Variants in SUPT5H observed in about 807,000 individuals in gnomAD.
SUPT5H encodes the protein SPT5 homolog, DSIF elongation factor subunit, also known as transcription elongation factor SPT5.
In SUPT5H, 24 loss-of-function variants were observed where a neutral mutation model predicts 142.5. The ratio of observed to expected loss-of-function variants is 0.17; its 90% confidence interval spans 0.12 to 0.24. SUPT5H has a LOEUF of 0.24. SUPT5H is among the 10% of genes least tolerant of loss of function. The pLI, the probability that SUPT5H is intolerant of heterozygous loss-of-function variation, is 1.00. For synonymous variants in SUPT5H, 546 were observed against 553.0 expected (o/e 0.99, Z 0.18); for missense variants, 893 against 1,471.8 (o/e 0.61, Z 6.43).
intron 2 of SUPT5H, among the ~76,000 whole-genome samples, chr19:39,452,067 C>T (rs1003007468): frequency 3.3e-5 from 5 of 151,942 alleles, no homozygotes; most frequent in Admixed American, 2.6e-4. Flanking sequence ...ATATATGGGG[C>T]TGGGGGAAAA....
rs1342026938 is a variant in SUPT5H, at chr19:39,445,929, G to C, written c.39G>C (p.Glu13Asp). The change falls in exon 2 of 30, where the codon GAG (glutamate) becomes GAC (aspartate). Residue 13 changes from glutamate to aspartate, a missense_variant. Coordinates refer to ENST00000432763, the MANE Select transcript of SUPT5H (RefSeq NM_001111020.3). The part of the protein sequence containing the change: ...DSEDSNFSEE[E>D]DSERSSDGEE... Reference sequence around the variant, plus strand: ...AGGACAGCAACTTTTCCGAGGAGGAGGACAGCGAGCGCAGCAGTGACGGCG... The same window carrying C: ...AGGACAGCAACTTTTCCGAGGAGGACGACAGCGAGCGCAGCAGTGACGGCG... The C allele has an allele frequency of 1.9e-6, 3 of 1,613,558 alleles. No individual in the cohort carries two copies.
chr19:39,448,860 C>G (rs1000578802), intron 2 of SUPT5H, among the ~76,000 whole-genome samples: 2 of 151,818 alleles, frequency 1.3e-5, no homozygotes, highest in African/African-American at 4.8e-5. Context: ...CTTTGGGAGG[C>G]TGAGGTGGGT....
At position 39,469,020 on chromosome 19, in the gene SUPT5H, G is replaced by A; in HGVS notation, c.1144-59G>A. The A allele has an allele frequency of 1.2e-6, 2 of 1,602,380 alleles. No individual in the cohort carries two copies. The highest frequency in any genetic ancestry group is 2.2e-5 in the South Asian group (2 of 90,580). ...TAGGACCCACTCAGCCCACTCAGCT[G>A]GGCTGTTGCACTGACCTCGGTCCAT... On this transcript the variant is annotated intron_variant, in intron 14 of 29. Transcript: ENST00000432763. The surrounding 1 kb of genome is among the most constrained non-coding windows in gnomAD (Gnocchi z 5.1).
rs759065272 is a variant in SUPT5H, at chr19:39,474,165, C to T, written c.2651+44C>T. The T allele has an allele frequency of 6.8e-6, 11 of 1,610,346 alleles. No homozygotes were observed. The highest frequency in any genetic ancestry group is 9.3e-6 in the Non-Finnish European group (11 of 1,178,034). On this transcript the variant is annotated intron_variant, in intron 26 of 29. Transcript: ENST00000432763. The surrounding 1 kb of genome is among the most constrained non-coding windows in gnomAD (Gnocchi z 6.5). ...GCCCTCGTCTACCCCTGCCCAAACC[C>T]TCCTACTGCCACCACCTCTTTTCCC...
At chr19:39,454,670 T>G (rs978863523) in intron 3 of SUPT5H, among the ~76,000 whole-genome samples, 2 of 152,170 alleles carry the variant, frequency 1.3e-5, no homozygotes, top group African/African-American at 4.8e-5. Context: ...TTTTTTATAT[T>G]TACGGCCAAA....
At chr19:39,448,471 G>C (rs2078980121) in intron 2 of SUPT5H, among the ~76,000 whole-genome samples, 1 of 152,082 alleles carries the variant, frequency 6.6e-6, no homozygotes, top group Admixed American at 6.6e-5. Flanking sequence ...GTGGAAATGA[G>C]ACCAAGATCC....
Position 39,458,517 on chromosome 19 carries a change from C to T in SUPT5H, c.319+212C>T. ...AAAGCACGGATGTGTCTGTCTGGGA[C>T]TGAGCATTTGTGGGTGGTAGCGATG... On this transcript the variant is annotated intron_variant, in intron 5 of 29. Transcript: ENST00000432763. The surrounding 1 kb of genome is among the most constrained non-coding windows in gnomAD (Gnocchi z 4.2). 1 of 968,322 alleles carries T rather than the reference C, an allele frequency of 1.0e-6. No individual in the cohort carries two copies. The highest frequency in any genetic ancestry group is 1.5e-6 in the Non-Finnish European group (1 of 649,424). 60.0% of individuals were successfully genotyped at this position (968,322 alleles called of 1,614,324 possible). A position where few individuals can be genotyped will look rare whatever the true frequency, so the allele number is the denominator to read the frequency against.
rs758984794 is a variant in SUPT5H, at chr19:39,472,496, G to C, written c.2035+3G>C. The C allele has an allele frequency of 2.5e-6, 4 of 1,613,778 alleles. No homozygotes were observed. Among genetic ancestry groups the C allele is most frequent in the Non-Finnish European group, 3.4e-6 (4 of 1,179,920 alleles). ...CCCCATGCACCCCAGTGCTGGAGGT[G>C]AGAGGGGTTCAGGGTCAGGGGATGT... On this transcript the variant is annotated splice_donor_region_variant and intron_variant, in intron 21 of 29. Coordinates refer to ENST00000432763, the MANE Select transcript of SUPT5H (RefSeq NM_001111020.3). The surrounding 1 kb of genome is among the most constrained non-coding windows in gnomAD (Gnocchi z 4.2).
At position 39,466,721 on chromosome 19, in the gene SUPT5H, G is replaced by A. The variant is rs770378423; in HGVS notation, c.1013G>A (p.Arg338Lys). The A allele has an allele frequency of 3.7e-6, 6 of 1,614,240 alleles. No homozygotes were observed. In the East Asian group the frequency reaches 1.3e-4, roughly 36 times the overall value. The stretch of plus-strand genomic sequence containing the variant: ...AAGAAGTTTAAGCGGCCTCCACAGA[G>A]GCTGTTTGATGCTGAGAAGATCAGG... ...KRKKFKRPPQ[R>K]LFDAEKIRSL... Residue 338 changes from arginine (R) to lysine (K), a missense_variant, in exon 13 of 30, where the codon AGG (arginine) becomes AAG (lysine). Physicochemically the swap from Arg to Lys is conservative, Grantham distance 26. This residue lies in a region of SUPT5H where 428 missense variants were observed against 763.5 expected (regional missense o/e 0.56). Transcript: ENST00000432763. This position sits in a 1 kb window ranked among gnomAD's most constrained non-coding sequence, Gnocchi z 4.3.
chr19:39,464,799 C>G lies in SUPT5H; in HGVS notation c.626C>G (p.Pro209Arg). 6.2e-7 allele frequency: 1 copy of G among 1,600,148 alleles called. No individual in the cohort carries two copies. The highest frequency in any genetic ancestry group is 8.6e-7 in the Non-Finnish European group (1 of 1,169,140). The stretch of plus-strand genomic sequence containing the variant: ...TCCTTCCACCGGCTCACCCTGCAGC[C>G]CCTGCAGATCAAGTCAGTAGTGGCA... ...KFIAYQFTDT[P>R]LQIKSVVAPE... The change falls in exon 11 of 30, where the codon CCC becomes CGC. Residue 209 changes from proline to arginine, a missense_variant and splice_region_variant. By Grantham distance (103) the Pro-to-Arg change is moderately radical. Around this residue, in one of 6 missense-constraint regions of SUPT5H, gnomAD observed 428 missense variants for 763.5 expected, o/e 0.56. Transcript: ENST00000432763.
rs1392933819 is a variant in SUPT5H, at chr19:39,453,475, A to AC, written c.201dup (p.Lys68GlnfsTer14). ...AAGAGGAGGAAGAAGATGATGACCG[A>AC]CCCCCCAAGAAACCCCGCCATGGAG... On this transcript the variant is annotated frameshift_variant, in exon 3 of 30. Coordinates refer to ENST00000432763, the MANE Select transcript of SUPT5H (RefSeq NM_001111020.3). LOFTEE classifies it high-confidence loss of function. 4 of 1,546,240 alleles carry AC rather than the reference A, an allele frequency of 2.6e-6. No individual in the cohort carries two copies. The highest frequency in any genetic ancestry group is 2.0e-5 in the Admixed American group (1 of 50,644).
chr19:39,467,116 C>G (rs1197542926), intron 13 of SUPT5H: 1 of 164,294 alleles, frequency 6.1e-6, no homozygotes, highest in Non-Finnish European at 1.3e-5. Context: ...GGCGTGATGG[C>G]TCACACCTAT....
At chr19:39,456,262 CT>C (rs1391964418) in intron 3 of SUPT5H, among the ~76,000 whole-genome samples, 1 of 149,930 alleles carries the variant, frequency 6.7e-6, no homozygotes, top group African/African-American at 2.5e-5. Flanking sequence ...CAGGATCTCA[CT>C]CCGTTTCCTA....
intron 2 of SUPT5H, among the ~76,000 whole-genome samples, chr19:39,451,210 A>T (rs976012290): frequency 8.4e-6 from 1 of 118,514 alleles, no homozygotes; most frequent in Non-Finnish European, 1.6e-5. Context: ...TTTTTTTGAG[A>T]CAGAGTCTTG....
In SUPT5H at chr19:39,470,113, C is replaced by T; in HGVS notation, c.1375-6C>T. 6.2e-7 allele frequency: 1 copy of T among 1,612,468 alleles called. No homozygotes were observed. Among genetic ancestry groups the T allele is most frequent in the Non-Finnish European group, 8.5e-7 (1 of 1,179,102 alleles). On this transcript the variant is annotated splice_region_variant and splice_polypyrimidine_tract_variant and intron_variant, in intron 16 of 29. Coordinates refer to ENST00000432763, the MANE Select transcript of SUPT5H (RefSeq NM_001111020.3). The surrounding 1 kb of genome is among the most constrained non-coding windows in gnomAD (Gnocchi z 5.8). ...CTGTTTGTTGTCCCCACACCCAATC[C>T]CCCAGGACATGTTGGAGTTCCCAGC...
rs570167943 is a variant in SUPT5H, at chr19:39,449,991, G to A, written c.76-3365G>A. Among the ~76,000 whole-genome samples, 127 of 149,354 alleles carry A rather than the reference G, an allele frequency of 8.5e-4. 2 individuals carry two copies. The South Asian group carries it at 0.025, about 30-fold the overall frequency. On this transcript the variant is annotated intron_variant, in intron 2 of 29. Coordinates refer to ENST00000432763, the MANE Select transcript of SUPT5H (RefSeq NM_001111020.3). Reference sequence around the variant, plus strand: ...CTCACTTTGTCACCCATGCTGGGGTGCAGTGGTGTGATCTCGACTCACTGC... The same window carrying A: ...CTCACTTTGTCACCCATGCTGGGGTACAGTGGTGTGATCTCGACTCACTGC...
At position 39,458,548 on chromosome 19, in the gene SUPT5H, G is replaced by C; in HGVS notation, c.319+243G>C. On this transcript the variant is annotated intron_variant, in intron 5 of 29. Coordinates refer to ENST00000432763, the MANE Select transcript of SUPT5H (RefSeq NM_001111020.3). The surrounding 1 kb of genome is among the most constrained non-coding windows in gnomAD (Gnocchi z 4.2). Reference sequence around the variant, plus strand: ...ATTTGTGGGTGGTAGCGATGTGTGGGGTGGGGTGCAGTCCAGGGTGTGCCT... The same window carrying C: ...ATTTGTGGGTGGTAGCGATGTGTGGCGTGGGGTGCAGTCCAGGGTGTGCCT... 1 of 807,970 alleles carries C rather than the reference G, an allele frequency of 1.2e-6. No individual in the cohort carries two copies. The highest frequency in any genetic ancestry group is 1.9e-6 in the Non-Finnish European group (1 of 513,228). The allele number at this position is 807,970 out of a possible 1,614,324, so 50.1% of individuals were successfully genotyped here. A position where few individuals can be genotyped will look rare whatever the true frequency, so the allele number is the denominator to read the frequency against.
rs370183625 is a variant in SUPT5H at position 39,471,700 on chromosome 19, C to T, written c.1920C>T (p.Thr640=). The stretch of plus-strand genomic sequence containing the variant: ...ACGGGGGCATGTTTGTCTGCAAGAC[C>T]CGCCACCTGGTGCTGGCTGGGGGCT... ...VENGGMFVCK[T]RHLVLAGGSK... is the part of the protein sequence containing the mutation. Residue 640 remains threonine (T), a synonymous_variant, in exon 20 of 30, where the codon ACC becomes ACT. Coordinates refer to ENST00000432763, the MANE Select transcript of SUPT5H (RefSeq NM_001111020.3). 350 of 1,614,032 alleles carry T rather than the reference C, an allele frequency of 2.2e-4. 2 individuals carry two copies. The highest frequency in any genetic ancestry group is 1.3e-3 in the South Asian group (118 of 91,074).
intron 9 of SUPT5H, 112 bp from the exon 10 acceptor site, chr19:39,459,780 C>A: frequency 8.0e-7 from 1 of 1,253,478 alleles, no homozygotes; most frequent in Non-Finnish European, 1.2e-6. Flanking sequence ...ATCCTTCTTT[C>A]TCTCTCCTCT....
Sources: allele counts gnomAD v4.1 joint callset (sites outside exome capture counted in the v4.1 genomes callset), GRCh38; gene constraint gnomAD v4.1.1; regional missense constraint gnomAD v4.1.1; non-coding constraint Gnocchi (gnomAD v3.1); transcripts MANE v1.5; gene names NCBI Gene and HGNC (gene_info 2026-07-23, HGNC 2026-07-21).